Variants in CPED1 observed in about 807,000 individuals in gnomAD.
CPED1 encodes cadherin-like and PC-esterase domain-containing protein 1.
Under a neutral mutation model 128.2 loss-of-function variants are expected in CPED1, and 114 were observed. The observed-to-expected ratio is 0.89, with a 90% CI of 0.76 to 1.04. CPED1 has a LOEUF of 1.04. Ranked by LOEUF, CPED1 falls within the 50% of genes least tolerant of loss-of-function variation. The pLI, the probability that CPED1 is intolerant of heterozygous loss-of-function variation, is 0.00. For missense variants in CPED1, 1,211 were observed against 1,207.1 expected (o/e 1.00, Z -0.05); for synonymous variants, 462 against 426.7 (o/e 1.08, Z -1.02).
chr7:121,105,748 T>C (rs1362025786), intron 7 of CPED1, among the ~76,000 whole-genome samples: 1 of 152,170 alleles, frequency 6.6e-6, no homozygotes, highest in African/African-American at 2.4e-5. Flanking sequence ...CCCACATTGA[T>C]GTTAGATTGC....
chr7:121,012,716 A>G (rs573928837), intron 2 of CPED1, among the ~76,000 whole-genome samples: 123 of 152,344 alleles, frequency 8.1e-4, no homozygotes, highest in African/African-American at 2.9e-3. Context: ...AGCAGTTTGT[A>G]TTACAGGATA....
chr7:121,235,139 C>T (rs1190641056), intron 16 of CPED1, among the ~76,000 whole-genome samples: 1 of 151,910 alleles, frequency 6.6e-6, no homozygotes, highest in East Asian at 1.9e-4. Context: ...TTTTTTCTGG[C>T]CTTATAAAAG....
At chr7:121,066,311 T>A (rs531961687) in intron 5 of CPED1, among the ~76,000 whole-genome samples, 2 of 151,560 alleles carry the variant, frequency 1.3e-5, no homozygotes, top group Admixed American at 1.3e-4. Flanking sequence ...ACTTCAGGGG[T>A]TTTTTGTTTT....
At chr7:121,207,665 T>C (rs1392265731) in intron 16 of CPED1, among the ~76,000 whole-genome samples, 1 of 152,070 alleles carries the variant, frequency 6.6e-6, no homozygotes, top group Non-Finnish European at 1.5e-5. Context: ...TTAAAACCTA[T>C]ATTTATTCAG....
At chr7:121,168,400 AT>A (rs1796581213) in intron 16 of CPED1, among the ~76,000 whole-genome samples, 1 of 152,240 alleles carries the variant, frequency 6.6e-6, no homozygotes, top group Admixed American at 6.5e-5. Flanking sequence ...CACTTTTAAC[AT>A]ATAATTTTAT....
intron 4 of CPED1, chr7:121,051,105 C>T (rs936242441): frequency 1.9e-6 from 1 of 524,660 alleles, no homozygotes; most frequent in Non-Finnish European, 3.8e-6. Flanking sequence ...AAGTGGCAAA[C>T]CAAGAAACTA....
intron 3 of CPED1, among the ~76,000 whole-genome samples, chr7:121,027,798 G>A (rs1247039085): frequency 1.3e-5 from 2 of 150,598 alleles, no homozygotes; most frequent in Non-Finnish European, 3.0e-5. Flanking sequence ...GCTCTTTCTC[G>A]AAGGAAAAGT....
chr7:121,219,741 C>T (rs1275546722), intron 16 of CPED1, among the ~76,000 whole-genome samples: 1 of 152,018 alleles, frequency 6.6e-6, no homozygotes, highest in African/African-American at 2.4e-5. Context: ...CAAACATAAA[C>T]AGCAAGGGAA....
At chr7:121,048,407 C>G (rs946828127) in intron 4 of CPED1, among the ~76,000 whole-genome samples, 3 of 152,178 alleles carry the variant, frequency 2.0e-5, no homozygotes, top group African/African-American at 7.2e-5. Context: ...AGAAATTACC[C>G]ACTTTGTCAT....
chr7:121,058,786 A>G (rs1451710954), intron 4 of CPED1, among the ~76,000 whole-genome samples: 1 of 152,250 alleles, frequency 6.6e-6, no homozygotes, highest in African/African-American at 2.4e-5. Flanking sequence ...AATAATTTGA[A>G]GCTTTATGAA....
At chr7:121,140,326 G>A (rs1795872410) in intron 14 of CPED1, among the ~76,000 whole-genome samples, 2 of 151,900 alleles carry the variant, frequency 1.3e-5, no homozygotes, top group African/African-American at 4.8e-5. Flanking sequence ...TTGGTATAAT[G>A]CTGGAGTTTG....
intron 4 of CPED1, among the ~76,000 whole-genome samples, chr7:121,062,250 A>T (rs1352341234): frequency 1.3e-5 from 2 of 152,168 alleles, no homozygotes; most frequent in Non-Finnish European, 2.9e-5. Context: ...CTATTAATTC[A>T]CCAGCAACGG....
chr7:121,059,705 A>T (rs1305473872), intron 4 of CPED1, among the ~76,000 whole-genome samples: 1 of 152,222 alleles, frequency 6.6e-6, no homozygotes, highest in African/African-American at 2.4e-5. Flanking sequence ...TGCCTTATTA[A>T]CAGATTGTCT....
At chr7:121,236,693 A>G (rs758501104) in intron 16 of CPED1, 21 bp from the exon 17 acceptor site, 13 of 1,395,610 alleles carry the variant, frequency 9.3e-6, no homozygotes, top group Non-Finnish European at 5.9e-6. Context: ...ACAACAACTA[A>G]TATCTATTAT....
At chr7:121,285,688 T>A (rs1792553899) in intron 22 of CPED1, among the ~76,000 whole-genome samples, 1 of 152,202 alleles carries the variant, frequency 6.6e-6, no homozygotes, top group Non-Finnish European at 1.5e-5. Context: ...TGAGACCACC[T>A]CAGCCTGGAC....
chr7:121,157,826 A>AGTG (rs1335071421), intron 16 of CPED1, among the ~76,000 whole-genome samples: 5 of 152,142 alleles, frequency 3.3e-5, no homozygotes, highest in African/African-American at 1.2e-4. Flanking sequence ...GAATGAATAA[A>AGTG]ATGAGTAAAA....
At chr7:121,014,883 A>G (rs1373705560) in intron 2 of CPED1, among the ~76,000 whole-genome samples, 1 of 152,130 alleles carries the variant, frequency 6.6e-6, no homozygotes. Flanking sequence ...TACTTTACTG[A>G]GGTTTAATCT....
intron 4 of CPED1, among the ~76,000 whole-genome samples, chr7:121,047,846 G>T (rs771101268): frequency 6.6e-6 from 1 of 151,456 alleles, no homozygotes; most frequent in African/African-American, 2.4e-5. Flanking sequence ...GTGGTAGCGG[G>T]CGCCCGTAGT....
At chr7:121,261,947 C>T in intron 18 of CPED1, 1 of 451,658 alleles carries the variant, frequency 2.2e-6, no homozygotes, top group Middle Eastern at 6.3e-4. Context: ...TTGTTTCCTC[C>T]AAGTCTCATG....
Sources: gnomAD v4.1 joint callset for allele counts (sites outside exome capture counted in the v4.1 genomes callset) on GRCh38, gnomAD v4.1.1 for gene constraint, MANE v1.5 for transcripts, NCBI Gene and HGNC (gene_info 2026-07-23, HGNC 2026-07-21) for gene names.